Variants in THSD4 observed in about 807,000 individuals in gnomAD.
THSD4 encodes the protein thrombospondin type-1 domain-containing protein 4.
In THSD4, 69 loss-of-function variants were observed where a neutral mutation model predicts 119.0. The observed-to-expected ratio is 0.58, with a 90% CI of 0.48 to 0.71. The LOEUF is 0.71. THSD4 is among the 30% of genes least tolerant of loss of function. The pLI is 0.00. For synonymous variants in THSD4, 524 were observed against 540.4 expected, an observed-to-expected ratio of 0.97 and a Z score of 0.42; for missense variants, 1,393 against 1,391.1, an observed-to-expected ratio of 1.00 and a Z score of -0.02.
intron 3 of THSD4, among the ~76,000 whole-genome samples, chr15:71,182,184 GT>G (rs1420610228): frequency 6.7e-6 from 1 of 150,086 alleles, no homozygotes; most frequent in Admixed American, 6.6e-5. Flanking sequence ...AAAAACCTTT[GT>G]TTTTCTATAT....
intron 3 of THSD4, among the ~76,000 whole-genome samples, chr15:71,199,768 T>TGTGTGTG (rs1293270169): frequency 6.8e-6 from 1 of 146,014 alleles, no homozygotes. Flanking sequence ...ATGTGTGTGG[T>TGTGTGTG]GTGTGTGGTG....
At chr15:71,217,186 CAT>C (rs2043940094) in intron 4 of THSD4, among the ~76,000 whole-genome samples, 1 of 152,206 alleles carries the variant, frequency 6.6e-6, no homozygotes, top group Non-Finnish European at 1.5e-5. Flanking sequence ...ACATATTTCA[CAT>C]GTTAATAGCA....
chr15:71,151,662 G>T (rs569200844), intron 2 of THSD4, among the ~76,000 whole-genome samples: 90 of 152,282 alleles, frequency 5.9e-4, no homozygotes, highest in African/African-American at 2.0e-3. Context: ...GATCCAGCAG[G>T]GATACAGCTA....
chr15:71,326,614 C>T (rs2045341286), intron 6 of THSD4, among the ~76,000 whole-genome samples: 1 of 129,772 alleles, frequency 7.7e-6, no homozygotes, highest in Non-Finnish European at 1.6e-5. Context: ...GTGGAGGTTG[C>T]AGTGAGCCGA....
intron 7 of THSD4, among the ~76,000 whole-genome samples, chr15:71,599,925 G>A (rs1011260778): frequency 6.6e-6 from 1 of 152,314 alleles, no homozygotes; most frequent in Admixed American, 6.5e-5. Flanking sequence ...TTCTCACCAA[G>A]AGACACTTTG....
intron 7 of THSD4, among the ~76,000 whole-genome samples, chr15:71,482,299 T>TTTTG (rs2047743231): frequency 6.6e-6 from 1 of 151,148 alleles, no homozygotes; most frequent in Non-Finnish European, 1.5e-5. Flanking sequence ...CTGTAACTTT[T>TTTTG]TTTTTTTTTG....
At chr15:71,695,061 C>T (rs1411079446) in intron 8 of THSD4, among the ~76,000 whole-genome samples, 1 of 152,198 alleles carries the variant, frequency 6.6e-6, no homozygotes, top group East Asian at 1.9e-4. Context: ...CAAAACCTCC[C>T]ACGGAATACG....
At chr15:71,650,405 G>A (rs2051059940) in intron 7 of THSD4, among the ~76,000 whole-genome samples, 2 of 152,166 alleles carry the variant, frequency 1.3e-5, no homozygotes, top group Non-Finnish European at 2.9e-5. Flanking sequence ...CTGGGAAGCG[G>A]TGCAAGACTT....
Position 71,610,925 on chromosome 15 carries a change from A to G in THSD4, c.1153-49605A>G, listed in dbSNP as rs374142451. Among the ~76,000 whole-genome samples the G allele has an allele frequency of 2.6e-5, 4 of 152,192 alleles. No homozygotes were observed. In the East Asian group the frequency reaches 5.8e-4, roughly 22 times the overall value. On this transcript the variant is annotated intron_variant, in intron 7 of 17. Transcript: ENST00000261862. ...GATATCCACATGTATGCCTACATGC[A>G]TATTTATATGTGTGTAGATGTGTGC...
intron 6 of THSD4, among the ~76,000 whole-genome samples, chr15:71,388,692 G>A (rs1307083733): frequency 6.6e-6 from 1 of 151,590 alleles, no homozygotes; most frequent in Non-Finnish European, 1.5e-5. Flanking sequence ...GTGTGTGTGT[G>A]TAGGGAGGGA....
At chr15:71,123,713 G>A (rs968717966) in intron 1 of THSD4, among the ~76,000 whole-genome samples, 6 of 152,172 alleles carry the variant, frequency 3.9e-5, no homozygotes, top group African/African-American at 1.4e-4. Context: ...CCTGGGGTGG[G>A]ATCTGCCTCC....
chr15:71,588,892 G>A (rs2049742602), intron 7 of THSD4, among the ~76,000 whole-genome samples: 1 of 152,206 alleles, frequency 6.6e-6, no homozygotes. Context: ...CAAGCAATGT[G>A]TGTTGTGGGA....
intron 12 of THSD4, among the ~76,000 whole-genome samples, chr15:71,746,246 T>C (rs1234128745): frequency 6.6e-6 from 1 of 151,766 alleles, no homozygotes; most frequent in East Asian, 1.9e-4. Context: ...TTTTTTTTAA[T>C]TAGATAAAAA....
intron 17 of THSD4, among the ~76,000 whole-genome samples, chr15:71,774,756 A>G (rs8042689): frequency 0.46 from 69,086 of 150,364 alleles, 19,560 homozygotes; most frequent in Non-Finnish European, 0.62. Context: ...CAGCCTGAGC[A>G]ACACAGAAAG....
intron 11 of THSD4, 95 bp from the exon 12 acceptor site, chr15:71,745,011 C>T (rs2053307029): frequency 9.4e-6 from 14 of 1,492,108 alleles, no homozygotes; most frequent in Non-Finnish European, 9.9e-6. Context: ...TCTGTGCCCT[C>T]TCTTCATCAG....
intron 7 of THSD4, chr15:71,547,685 A>G: frequency 1.6e-6 from 1 of 609,576 alleles, no homozygotes; most frequent in Non-Finnish European, 2.6e-6. Context: ...CTAAAATGTC[A>G]TTTTGAAGCT....
At chr15:71,366,962 C>A (rs2045973141) in intron 6 of THSD4, among the ~76,000 whole-genome samples, 1 of 152,210 alleles carries the variant, frequency 6.6e-6, no homozygotes, top group Non-Finnish European at 1.5e-5. Flanking sequence ...CAGCACAGCT[C>A]TCTCCAAAGA....
chr15:71,686,919 T>C (rs1161335303), intron 8 of THSD4, among the ~76,000 whole-genome samples: 1 of 152,202 alleles, frequency 6.6e-6, no homozygotes, highest in Non-Finnish European at 1.5e-5. Context: ...CCACACTAAA[T>C]GAATTCCTGG....
chr15:71,748,312 G>C, intron 13 of THSD4, 109 bp from the exon 14 acceptor site: 1 of 1,344,280 alleles, frequency 7.4e-7, no homozygotes, highest in Non-Finnish European at 1.0e-6. Context: ...ATGCATGACA[G>C]AGCCTCAGTC....
Sources: allele counts gnomAD v4.1 joint callset (sites outside exome capture counted in the v4.1 genomes callset), GRCh38; gene constraint gnomAD v4.1.1; transcripts MANE v1.5; gene names NCBI Gene and HGNC (gene_info 2026-07-23, HGNC 2026-07-21).